The following SEBOX variants were observed in gnomAD, a reference collection of about 807,000 sequenced individuals.
The protein encoded by SEBOX is homeobox protein SEBOX.
In SEBOX, 10 loss-of-function variants were observed where a neutral mutation model predicts 7.8. That is an observed-to-expected ratio of 1.28 (90% CI 0.79 to 2.17). The LOEUF (loss-of-function observed/expected upper bound fraction) is 2.17, where lower values mean the gene tolerates loss of function less well. Among genes scored for constraint, SEBOX ranks in the 30% most tolerant of loss-of-function variants. The pLI, the probability that SEBOX is intolerant of heterozygous loss-of-function variation, is 0.00. For synonymous variants in SEBOX, 98 were observed against 91.5 expected (o/e 1.07, Z -0.40); for missense variants, 240 against 239.5 (o/e 1.00, Z -0.01).
Position 28,364,338 on chromosome 17 carries a change from T to TG in SEBOX, c.502dup (p.Gln168ProfsTer9), listed in dbSNP as rs1262759785. 2 of 1,602,206 alleles carry TG rather than the reference T, an allele frequency of 1.2e-6. No individual in the cohort carries two copies. Among genetic ancestry groups the TG allele is most frequent in the Admixed American group, 3.5e-5 (2 of 57,794 alleles). Reference sequence around the variant, plus strand: ...GTCAGACAGGCTGCCTAGTGAAGTCTGGGGAGTAGCTCGCTCTAAAGAAGG... The same window carrying TG: ...GTCAGACAGGCTGCCTAGTGAAGTCTGGGGGAGTAGCTCGCTCTAAAGAAGG... On this transcript the variant is annotated frameshift_variant, in exon 3 of 3. Coordinates refer to ENST00000536498, the MANE Select transcript of SEBOX (RefSeq NM_001080837.4). LOFTEE classifies it high-confidence loss of function.
In SEBOX at chr17:28,365,140, A is replaced by G. The variant is rs947751807; in HGVS notation, c.12T>C (p.Pro4=). MPS[P]VDASSADGGS... ...GATCACCTGCTGAGGATGCATCCAC[A>G]GGGCTGGGCATGGAGCTGGCAAAGG... is the stretch of plus-strand genomic sequence containing the variant. The change falls in exon 1 of 3, where the codon CCT becomes CCC. Residue 4 remains proline, a synonymous_variant. Coordinates refer to ENST00000536498, the MANE Select transcript of SEBOX (RefSeq NM_001080837.4). 1.9e-6 allele frequency: 3 copies of G among 1,610,028 alleles called. No individual in the cohort carries two copies. Among genetic ancestry groups the G allele is most frequent in the Non-Finnish European group, 2.5e-6 (3 of 1,178,152 alleles).
At position 28,365,143 on chromosome 17, in the gene SEBOX, G is replaced by A; in HGVS notation, c.9C>T (p.Ser3=). 6.2e-7 allele frequency: 1 copy of A among 1,610,058 alleles called. No homozygotes were observed. The highest frequency in any genetic ancestry group is 1.1e-5 in the South Asian group (1 of 90,104). The change falls in exon 1 of 3, where the codon AGC becomes AGT. Residue 3 remains serine, a synonymous_variant. Coordinates refer to ENST00000536498, the MANE Select transcript of SEBOX (RefSeq NM_001080837.4). MP[S]PVDASSADGG... is the part of the protein sequence containing the mutation. ...CACCTGCTGAGGATGCATCCACAGG[G>A]CTGGGCATGGAGCTGGCAAAGGGTA...
rs2067894859 is a variant in SEBOX, at chr17:28,364,798, T to A, written c.189A>T (p.Val63=). Residue 63 remains valine, a synonymous_variant, in exon 2 of 3, where the codon GTA becomes GTT. Coordinates refer to ENST00000536498, the MANE Select transcript of SEBOX (RefSeq NM_001080837.4). ...GTGAGAAGGGGTCACAGCTCACCTGTACCTTGGCCTCAGGAAGGCAAGTGA... is the reference window on the plus strand; with the variant it reads ...GTGAGAAGGGGTCACAGCTCACCTGAACCTTGGCCTCAGGAAGGCAAGTGA... ...AWVTCLPEAK[V]QVWFQKRWAK... 1.2e-6 allele frequency: 2 copies of A among 1,613,924 alleles called. No individual in the cohort carries two copies. Among genetic ancestry groups the A allele is most frequent in the Non-Finnish European group, 1.7e-6 (2 of 1,179,862 alleles).
rs2067900067 is a variant in SEBOX at position 28,365,132 on chromosome 17, G to A, written c.20C>T (p.Ala7Val). Residue 7 changes from alanine to valine, a missense_variant, in exon 1 of 3, where the codon GCA becomes GTA. Transcript: ENST00000536498. Reference protein sequence around the residue: MPSPVDASSADGGSGLG... With the variant: MPSPVDVSSADGGSGLG... Reference sequence around the variant, plus strand: ...CCCCATCAGATCACCTGCTGAGGATGCATCCACAGGGCTGGGCATGGAGCT... The same window carrying A: ...CCCCATCAGATCACCTGCTGAGGATACATCCACAGGGCTGGGCATGGAGCT... 6.2e-7 allele frequency: 1 copy of A among 1,608,912 alleles called. No homozygotes were observed. The highest frequency in any genetic ancestry group is 1.3e-5 in the African/African-American group (1 of 74,824).
At chr17:28,364,695 C>T (rs1345381710) in intron 2 of SEBOX, 47 bp from the exon 3 acceptor site, 6 of 1,572,754 alleles carry the variant, frequency 3.8e-6, no homozygotes, top group African/African-American at 2.7e-5. Context: ...GCATCCCCTC[C>T]ACCCAGGGAC....
Position 28,364,967 on chromosome 17 carries a change from G to A in SEBOX, c.32-12C>T, listed in dbSNP as rs374990340. The A allele has an allele frequency of 2.1e-5, 33 of 1,606,046 alleles. No homozygotes were observed. In the African/African-American group the frequency reaches 4.0e-4, roughly 19 times the overall value. On this transcript the variant is annotated splice_polypyrimidine_tract_variant and intron_variant, in intron 1 of 2. Transcript: ENST00000536498. ...CCCGCTGCCACCGTCTGCAGGCCAT[G>A]GTGGGGGTCAAGCTGGGACTCCCTG... is the stretch of plus-strand genomic sequence containing the variant.
Position 28,364,072 on chromosome 17 carries a change from C to T in SEBOX, c.*196G>A, listed in dbSNP as rs1385545466. 6.6e-6 allele frequency among the ~76,000 whole-genome samples: 1 copy of T among 152,220 alleles called. No individual in the cohort carries two copies. The highest frequency in any genetic ancestry group is 2.4e-5 in the African/African-American group (1 of 41,464). The stretch of plus-strand genomic sequence containing the variant: ...GGGGTGGCAGGAGCCAGGCCCCAGT[C>T]TGCTTAGGACCTGCATCTAGGCTGG... On this transcript the variant is annotated 3_prime_UTR_variant, in exon 3 of 3. Coordinates refer to ENST00000536498, the MANE Select transcript of SEBOX (RefSeq NM_001080837.4).
chr17:28,364,252 A>G lies in SEBOX; in HGVS notation c.*16T>C. ...ACAGGAGTCAGAGGAGGGGCCTTGC[A>G]AGTTCTGGACAAAGACTAGGAGTGG... On this transcript the variant is annotated 3_prime_UTR_variant, in exon 3 of 3. Transcript: ENST00000536498. The G allele has an allele frequency of 6.3e-7, 1 of 1,591,674 alleles. No homozygotes were observed. Among genetic ancestry groups the G allele is most frequent in the Non-Finnish European group, 8.6e-7 (1 of 1,166,004 alleles).
Position 28,364,565 on chromosome 17 carries a change from G to A in SEBOX, c.276C>T (p.Ser92=). Residue 92 remains serine, a synonymous_variant, in exon 3 of 3, where the codon AGC becomes AGT. Transcript: ENST00000536498. ...GGAGGGTGTCTGGAAGAGAACAGGA[G>A]CTCTGGGGGCACTCAGACCCAGGGC... ...ILSPGSECPQ[S]SCSLPDTLQQ... The A allele has an allele frequency of 6.4e-7, 1 of 1,570,904 alleles. No homozygotes were observed. Among genetic ancestry groups the A allele is most frequent in the Non-Finnish European group, 8.6e-7 (1 of 1,158,624 alleles).
In SEBOX at chr17:28,364,643, C is replaced by T. The variant is rs1469431614; in HGVS notation, c.198G>A (p.Trp66Ter). 5 of 1,545,634 alleles carry T rather than the reference C, an allele frequency of 3.2e-6. No individual in the cohort carries two copies. Among genetic ancestry groups the T allele is most frequent in the Non-Finnish European group, 4.4e-6 (5 of 1,149,358 alleles). The stretch of plus-strand genomic sequence containing the variant: ...TTATTTTGGCCCAGCGCTTCTGGAA[C>T]CACACCTGCTAGGAAAGAAGAAGGG... ...TCLPEAKVQV[W>*]FQKRWAKIIK... is the part of the protein sequence containing the mutation. The change falls in exon 3 of 3, where the codon TGG (tryptophan) becomes TGA (stop). Residue 66 changes from tryptophan (W) to a stop codon, truncating the protein, a stop_gained. Transcript: ENST00000536498. LOFTEE classifies it low-confidence loss of function (END_TRUNC).
At position 28,365,180 on chromosome 17, in the gene SEBOX, G is replaced by A. The variant is rs371276551; in HGVS notation, c.-29C>T. On this transcript the variant is annotated 5_prime_UTR_variant, in exon 1 of 3. Coordinates refer to ENST00000536498, the MANE Select transcript of SEBOX (RefSeq NM_001080837.4). ...GCTGGCAAAGGGTAAGGTGCCAGAG[G>A]GCCGTGCCAGAGGGCCATGCCAGGG... is the stretch of plus-strand genomic sequence containing the variant. The A allele has an allele frequency of 9.3e-6, 15 of 1,611,860 alleles. No homozygotes were observed. The highest frequency in any genetic ancestry group is 1.3e-5 in the Non-Finnish European group (15 of 1,179,160).
In SEBOX at chr17:28,364,812, G is replaced by A. The variant is rs1567799680; in HGVS notation, c.175C>T (p.Pro59Ser). The A allele has an allele frequency of 6.2e-7, 1 of 1,613,816 alleles. No homozygotes were observed. The highest frequency in any genetic ancestry group is 1.3e-5 in the African/African-American group (1 of 74,942). ...CAGCTCACCTGTACCTTGGCCTCAG[G>A]AAGGCAAGTGACCCAGGCCAGGTGC... is the stretch of plus-strand genomic sequence containing the variant. ...HEHLAWVTCLPEAKVQVWFQK... is the reference protein window; with the variant it reads ...HEHLAWVTCLSEAKVQVWFQK... Residue 59 changes from proline to serine, a missense_variant, in exon 2 of 3, where the codon CCT becomes TCT. Pro to Ser is a moderately conservative substitution (Grantham distance 74, BLOSUM62 -1). Transcript: ENST00000536498.
Position 28,363,786 on chromosome 17 carries a change from C to T in SEBOX, c.*482G>A, listed in dbSNP as rs1347244760. 2.0e-5 allele frequency: 3 copies of T among 153,258 alleles called. No individual in the cohort carries two copies. Among genetic ancestry groups the T allele is most frequent in the Non-Finnish European group, 4.4e-5 (3 of 68,860 alleles). 9.5% of individuals were successfully genotyped at this position (153,258 alleles called of 1,614,324 possible). On this transcript the variant is annotated 3_prime_UTR_variant, in exon 3 of 3. Transcript: ENST00000536498. ...CGATGGTCAAGAGAGGGGGCCCTGA[C>T]CCATAAAGAAGTTGGCTCTCCAGCA...
At position 28,364,285 on chromosome 17, in the gene SEBOX, T is replaced by C; in HGVS notation, c.556A>G (p.Asn186Asp). The C allele has an allele frequency of 6.2e-7, 1 of 1,607,954 alleles. No individual in the cohort carries two copies. Among genetic ancestry groups the C allele is most frequent in the South Asian group, 1.1e-5 (1 of 89,700 alleles). Reference protein sequence around the residue: ...DLIYALAIVVNVDHS With the variant: ...DLIYALAIVVDVDHS ...GACAAAGACTAGGAGTGGTCCACAT[T>C]GACGACAATGGCCAAGGCATAGATG... The change falls in exon 3 of 3, where the codon AAT becomes GAT. Residue 186 changes from asparagine to aspartate, a missense_variant. By Grantham distance (23) the Asn-to-Asp change is conservative (BLOSUM62 1). Coordinates refer to ENST00000536498, the MANE Select transcript of SEBOX (RefSeq NM_001080837.4).
In SEBOX at chr17:28,365,144, C is replaced by T. The variant is rs1555582830; in HGVS notation, c.8G>A (p.Ser3Asn). Residue 3 changes from serine to asparagine, a missense_variant, in exon 1 of 3, where the codon AGC (serine) becomes AAC (asparagine). Ser to Asn is a conservative substitution (Grantham distance 46, BLOSUM62 1). Transcript: ENST00000536498. ...ACCTGCTGAGGATGCATCCACAGGGCTGGGCATGGAGCTGGCAAAGGGTAA... is the reference window on the plus strand; with the variant it reads ...ACCTGCTGAGGATGCATCCACAGGGTTGGGCATGGAGCTGGCAAAGGGTAA... Reference protein sequence around the residue: MPSPVDASSADGG... With the variant: MPNPVDASSADGG... 6.2e-7 allele frequency: 1 copy of T among 1,610,390 alleles called. No individual in the cohort carries two copies. The highest frequency in any genetic ancestry group is 8.5e-7 in the Non-Finnish European group (1 of 1,178,332).
rs781917430 is a variant in SEBOX at position 28,364,662 on chromosome 17, A to G, written c.193-14T>C. The stretch of plus-strand genomic sequence containing the variant: ...CTGGAACCACACCTGCTAGGAAAGA[A>G]GAAGGGGTCTGTTCTGGCCCCAGCA... On this transcript the variant is annotated splice_polypyrimidine_tract_variant and intron_variant, in intron 2 of 2. Coordinates refer to ENST00000536498, the MANE Select transcript of SEBOX (RefSeq NM_001080837.4). 45 of 1,545,816 alleles carry G rather than the reference A, an allele frequency of 2.9e-5. No homozygotes were observed. The South Asian group carries it at 5.6e-4, about 19-fold the overall frequency.
chr17:28,364,275 T>G lies in SEBOX; in HGVS notation c.566A>C (p.His189Pro), dbSNP rs1555582605. The change falls in exon 3 of 3, where the codon CAC becomes CCC. Residue 189 changes from histidine (H) to proline (P), a missense_variant. Transcript: ENST00000536498. The stretch of plus-strand genomic sequence containing the variant: ...GCAAGTTCTGGACAAAGACTAGGAG[T>G]GGTCCACATTGACGACAATGGCCAA... ...YALAIVVNVD[H>P]S The G allele has an allele frequency of 3.1e-6, 5 of 1,605,742 alleles. No individual in the cohort carries two copies. Among genetic ancestry groups the G allele is most frequent in the Non-Finnish European group, 4.3e-6 (5 of 1,175,854 alleles).
rs782325587 is a variant in SEBOX, at chr17:28,364,657, AAAG to A, written c.193-12_193-10del. 3.2e-6 allele frequency: 5 copies of A among 1,545,140 alleles called. No individual in the cohort carries two copies. The highest frequency in any genetic ancestry group is 2.3e-5 in the East Asian group (1 of 44,374). ...CGCTTCTGGAACCACACCTGCTAGG[AAAG>A]AAGAAGGGGTCTGTTCTGGCCCCAG... On this transcript the variant is annotated splice_polypyrimidine_tract_variant and intron_variant, in intron 2 of 2. Transcript: ENST00000536498.
At position 28,365,181 on chromosome 17, in the gene SEBOX, G is replaced by C. The variant is rs547992774; in HGVS notation, c.-30C>G. 1 of 1,611,910 alleles carries C rather than the reference G, an allele frequency of 6.2e-7. No homozygotes were observed. The highest frequency in any genetic ancestry group is 8.5e-7 in the Non-Finnish European group (1 of 1,179,126). On this transcript the variant is annotated 5_prime_UTR_variant, in exon 1 of 3. Coordinates refer to ENST00000536498, the MANE Select transcript of SEBOX (RefSeq NM_001080837.4). ...CTGGCAAAGGGTAAGGTGCCAGAGGGCCGTGCCAGAGGGCCATGCCAGGGC... is the reference window on the plus strand; with the variant it reads ...CTGGCAAAGGGTAAGGTGCCAGAGGCCCGTGCCAGAGGGCCATGCCAGGGC...
Sources: gnomAD v4.1 joint callset for allele counts (sites outside exome capture counted in the v4.1 genomes callset) on GRCh38, gnomAD v4.1.1 for gene constraint, MANE v1.5 for transcripts, NCBI Gene and HGNC (gene_info 2026-07-23, HGNC 2026-07-21) for gene names.